The following SLC16A9 variants were observed in gnomAD, a reference collection of about 807,000 sequenced individuals.
The protein encoded by SLC16A9 is monocarboxylate transporter 9.
In SLC16A9, 26 loss-of-function variants were observed where a neutral mutation model predicts 44.3. The ratio of observed to expected loss-of-function variants is 0.59; its 90% CI spans 0.43 to 0.81. SLC16A9 has a LOEUF of 0.81. Ranked by LOEUF, SLC16A9 falls within the 40% of genes least tolerant of loss-of-function variation. The pLI is 0.00. For missense variants in SLC16A9, 559 were observed against 595.8 expected (o/e 0.94, Z 0.64); for synonymous variants, 230 against 225.1 (o/e 1.02, Z -0.19).
chr10:59,693,928 C>CTTAT (rs369815285), intron 1 of SLC16A9, among the ~76,000 whole-genome samples: 3,730 of 130,722 alleles, frequency 0.029, 69 homozygotes, highest in African/African-American at 0.065. Flanking sequence ...TTTAATTTTA[C>CTTAT]TTATTTATTT....
intron 1 of SLC16A9, among the ~76,000 whole-genome samples, chr10:59,698,850 G>C (rs183438512): frequency 6.6e-6 from 1 of 151,544 alleles, no homozygotes; most frequent in Admixed American, 6.6e-5. Context: ...CAATTCTCCT[G>C]TCTCAGCCTC....
intron 2 of SLC16A9, among the ~76,000 whole-genome samples, chr10:59,680,992 TAATAATAAC>T (rs1839973340): frequency 6.6e-6 from 1 of 150,782 alleles, no homozygotes; most frequent in Non-Finnish European, 1.5e-5. Flanking sequence ...CAAATAATAA[TAATAATAAC>T]AATAATAATT....
At chr10:59,657,975 G>A (rs1839386732) in intron 4 of SLC16A9, among the ~76,000 whole-genome samples, 1 of 152,058 alleles carries the variant, frequency 6.6e-6, no homozygotes, top group Non-Finnish European at 1.5e-5. Context: ...TTCAAACACA[G>A]CTGACCAGTA....
At chr10:59,697,962 T>TAAAAAAAAAAAAAAAAAAAA (rs34931109) in intron 1 of SLC16A9, among the ~76,000 whole-genome samples, 3 of 136,060 alleles carry the variant, frequency 2.2e-5, no homozygotes, top group Non-Finnish European at 4.8e-5. Flanking sequence ...GGGCACACAG[T>TAAAAAAAAAAAAAAAAAAAA]AAAAAAAAAA....
At chr10:59,693,686 C>A (rs1358919775) in intron 1 of SLC16A9, among the ~76,000 whole-genome samples, 3 of 151,894 alleles carry the variant, frequency 2.0e-5, no homozygotes, top group African/African-American at 7.3e-5. Flanking sequence ...GTGGCGTGAT[C>A]TCGGCTCACC....
intron 2 of SLC16A9, among the ~76,000 whole-genome samples, chr10:59,681,201 T>A (rs1057060983): frequency 1.8e-4 from 27 of 152,116 alleles, no homozygotes; most frequent in African/African-American, 6.5e-4. Context: ...TCCACTTGTT[T>A]CTCTGTAGAG....
At chr10:59,667,899 T>C (rs1469650704) in intron 3 of SLC16A9, among the ~76,000 whole-genome samples, 1 of 152,200 alleles carries the variant, frequency 6.6e-6, no homozygotes, top group Non-Finnish European at 1.5e-5. Flanking sequence ...TGTTGTAACA[T>C]TTCTTTTCCA....
intron 1 of SLC16A9, among the ~76,000 whole-genome samples, chr10:59,692,521 G>T (rs916557524): frequency 6.6e-6 from 1 of 152,154 alleles, no homozygotes; most frequent in African/African-American, 2.4e-5. Context: ...AAATCACTGA[G>T]CTGCACATAT....
intron 1 of SLC16A9, among the ~76,000 whole-genome samples, chr10:59,685,977 C>CTTTTTTTTTTTT (rs11313249): frequency 7.1e-6 from 1 of 140,942 alleles, no homozygotes; most frequent in African/African-American, 2.6e-5. Flanking sequence ...GCATTTCTTT[C>CTTTTTTTTTTTT]TTTTTTTTTT....
intron 4 of SLC16A9, among the ~76,000 whole-genome samples, chr10:59,662,126 T>C (rs1239112985): frequency 6.6e-6 from 1 of 151,900 alleles, no homozygotes; most frequent in Non-Finnish European, 1.5e-5. Context: ...AAAGCCAAAA[T>C]AGACAAATGG....
chr10:59,655,033 T>C (rs557106449), intron 4 of SLC16A9, among the ~76,000 whole-genome samples: 2 of 152,316 alleles, frequency 1.3e-5, no homozygotes, highest in Non-Finnish European at 2.9e-5. Context: ...GGCTCAGGCC[T>C]GTAATCCCAG....
intron 1 of SLC16A9, among the ~76,000 whole-genome samples, chr10:59,696,046 C>G (rs1840363200): frequency 6.6e-6 from 1 of 152,096 alleles, no homozygotes; most frequent in South Asian, 2.1e-4. Context: ...GACCCTGTCT[C>G]TACAAAAGAT....
At chr10:59,680,405 G>T (rs866825375) in intron 2 of SLC16A9, among the ~76,000 whole-genome samples, 2 of 152,248 alleles carry the variant, frequency 1.3e-5, no homozygotes, top group Non-Finnish European at 1.5e-5. Context: ...TCTTGGCAAG[G>T]TTCCAGCTCC....
intron 3 of SLC16A9, among the ~76,000 whole-genome samples, chr10:59,671,856 C>A (rs545207009): frequency 2.4e-4 from 37 of 152,300 alleles, no homozygotes; most frequent in African/African-American, 8.4e-4. Context: ...CACTTTCCCT[C>A]TCTGTAAAAT....
intron 2 of SLC16A9, among the ~76,000 whole-genome samples, chr10:59,683,262 T>C (rs1840062109): frequency 6.6e-6 from 1 of 152,138 alleles, no homozygotes; most frequent in African/African-American, 2.4e-5. Flanking sequence ...TAGTTCCAAA[T>C]ATGTTGGAAT....
intron 1 of SLC16A9, among the ~76,000 whole-genome samples, chr10:59,687,968 C>CAAAAA (rs3043427): frequency 7.1e-6 from 1 of 140,696 alleles, no homozygotes; most frequent in Non-Finnish European, 1.5e-5. Flanking sequence ...TCAACAACAA[C>CAAAAA]AAAAAAAAAA....
chr10:59,681,639 GTGTATGTGTATGTATATGTA>G (rs201146884), intron 2 of SLC16A9, among the ~76,000 whole-genome samples: 1 of 41,896 alleles, frequency 2.4e-5, no homozygotes. Flanking sequence ...ATATGTATAT[GTGTATGTGTATGTATATGTA>G]TATGATGTAT....
rs181637312 is a variant in SLC16A9, at chr10:59,657,151, C to T, written c.437-2562G>A. ...GTTATAATAAAATTTTATTTATGCA[C>T]GCTGAAATGTAAATTGCACATAATT... On this transcript the variant is annotated intron_variant, in intron 4 of 5. Coordinates refer to ENST00000395348, the MANE Select transcript of SLC16A9 (RefSeq NM_194298.3). 3.9e-5 allele frequency among the ~76,000 whole-genome samples: 6 copies of T among 152,248 alleles called. No homozygotes were observed. In the East Asian group the frequency reaches 5.8e-4, roughly 15 times the overall value.
chr10:59,688,727 A>G (rs1195341580), intron 1 of SLC16A9, among the ~76,000 whole-genome samples: 5 of 151,464 alleles, frequency 3.3e-5, no homozygotes, highest in Non-Finnish European at 5.9e-5. Flanking sequence ...CCAAACATCT[A>G]AAGAGACTAA....
Sources: gnomAD v4.1 joint callset for allele counts (sites outside exome capture counted in the v4.1 genomes callset) on GRCh38, gnomAD v4.1.1 for gene constraint, MANE v1.5 for transcripts, NCBI Gene and HGNC (gene_info 2026-07-23, HGNC 2026-07-21) for gene names.